The following USP39 variants were observed in gnomAD, a reference collection of about 807,000 sequenced individuals.
The protein encoded by USP39 is ubiquitin specific peptidase 39.
USP39 carries 38 observed loss-of-function variants against 66.4 expected under a neutral mutation model. That is an observed-to-expected ratio of 0.57 (90% CI 0.44 to 0.75). The LOEUF (loss-of-function observed/expected upper bound fraction) is 0.75, where lower values mean the gene tolerates loss of function less well. USP39 is among the 30% of genes least tolerant of loss of function. The pLI, the probability that USP39 is intolerant of heterozygous loss-of-function variation, is 0.00. For synonymous variants in USP39, 303 were observed against 274.6 expected, an observed-to-expected ratio of 1.10 and a Z score of -1.02; for missense variants, 608 against 714.4, an observed-to-expected ratio of 0.85 and a Z score of 1.70.
At chr2:85,612,130 C>T, upstream of USP39, 2 of 900,872 alleles carry the variant, frequency 2.2e-6, no homozygotes, top group South Asian at 1.8e-5. Flanking sequence ...CCAAGCGATG[C>T]AGCGCACGGA....
intron 7 of USP39, 116 bp from the exon 8 acceptor site, chr2:85,637,253 C>A: frequency 9.5e-7 from 1 of 1,048,096 alleles, no homozygotes; most frequent in Non-Finnish European, 1.5e-6. Context: ...TTAGTGAGAG[C>A]TCTGTGTCTT....
At position 85,639,613 on chromosome 2, in the gene USP39, A is replaced by C. The variant is rs569763434; in HGVS notation, c.1284+222A>C. On this transcript the variant is annotated intron_variant, in intron 9 of 12. Coordinates refer to ENST00000323701, the MANE Select transcript of USP39 (RefSeq NM_006590.4). ...GGGATTACAGACATCCGCCACCATG[A>C]CTGGCTAATTTTTTATATTTTTAGT... The C allele has an allele frequency of 2.0e-5, 8 of 402,602 alleles. No homozygotes were observed. The East Asian group carries it at 3.2e-4, about 16-fold the overall frequency. The allele number at this position is 402,602 out of a possible 1,614,324, so 24.9% of individuals were successfully genotyped here. A position where few individuals can be genotyped will look rare whatever the true frequency, so the allele number is the denominator to read the frequency against.
intron 1 of USP39, chr2:85,603,242 A>T (rs906933020): frequency 4.6e-5 from 7 of 152,236 alleles, no homozygotes; most frequent in African/African-American, 1.7e-4. Context: ...CAAACTCCGG[A>T]GGAGGGCTGC....
At chr2:85,616,760 C>G (rs1674006710) in intron 1 of USP39, among the ~76,000 whole-genome samples, 1 of 150,450 alleles carries the variant, frequency 6.6e-6, no homozygotes, top group Non-Finnish European at 1.5e-5. Flanking sequence ...TCACTGCAAC[C>G]TCTGCCTCCC....
intron 9 of USP39, 56 bp from the exon 10 acceptor site, chr2:85,640,920 G>A (rs1366081267): frequency 1.3e-6 from 2 of 1,522,312 alleles, no homozygotes; most frequent in Admixed American, 2.1e-5. Flanking sequence ...TCATGCCCCT[G>A]CTCTAATACT....
upstream of USP39, chr2:85,611,886 C>T (rs1673566290): frequency 6.3e-7 from 1 of 1,596,510 alleles, no homozygotes; most frequent in South Asian, 1.1e-5. Flanking sequence ...ACCGAGCGAT[C>T]TGGTTCCGTC....
upstream of USP39, chr2:85,611,462 G>A (rs960312953): frequency 1.9e-6 from 3 of 1,546,010 alleles, no homozygotes; most frequent in East Asian, 7.3e-5. Context: ...TACTCTGACA[G>A]CGATGCTTAA....
intron 2 of USP39, among the ~76,000 whole-genome samples, chr2:85,619,591 C>T (rs1028346412): frequency 1.3e-5 from 2 of 149,380 alleles, no homozygotes; most frequent in Admixed American, 6.7e-5. Flanking sequence ...TTTTGGGTGC[C>T]TGGGATTCAG....
At position 85,647,911 on chromosome 2, in the gene USP39, C is replaced by T. The variant is rs1215236467; in HGVS notation, c.1564-19C>T. The T allele has an allele frequency of 1.9e-6, 3 of 1,613,428 alleles. No individual in the cohort carries two copies. Among genetic ancestry groups the T allele is most frequent in the South Asian group, 1.1e-5 (1 of 91,050 alleles). On this transcript the variant is annotated intron_variant, in intron 11 of 12. Transcript: ENST00000323701. Reference sequence around the variant, plus strand: ...GGTTTTAGAGAGCAGACTAACCCAGCTCTTCATACTTTCTGCAGGGGACAG... The same window carrying T: ...GGTTTTAGAGAGCAGACTAACCCAGTTCTTCATACTTTCTGCAGGGGACAG...
rs748311332 is a variant in USP39, at chr2:85,648,775, A to C, written c.1665A>C (p.Arg555=). Residue 555 remains arginine, a synonymous_variant, in exon 13 of 13, where the codon CGA becomes CGC. Coordinates refer to ENST00000323701, the MANE Select transcript of USP39 (RefSeq NM_006590.4). ...ATTTCTTACAGATTTGGAAGAGGCGAGATAATGATGAAACCAACCAGCAGG... is the reference window on the plus strand; with the variant it reads ...ATTTCTTACAGATTTGGAAGAGGCGCGATAATGATGAAACCAACCAGCAGG... ...SEAYIQIWKR[R]DNDETNQQGA is the part of the protein sequence containing the mutation. The C allele has an allele frequency of 3.1e-6, 5 of 1,614,040 alleles. No individual in the cohort carries two copies. In the African/African-American group the frequency reaches 5.3e-5, roughly 17 times the overall value.
chr2:85,611,758 C>T, upstream of USP39: 2 of 1,612,210 alleles, frequency 1.2e-6, no homozygotes, highest in East Asian at 2.2e-5. Context: ...TCCTTGGCCG[C>T]CTGCTTCACC....
chr2:85,640,478 G>A (rs1676143466), intron 9 of USP39, among the ~76,000 whole-genome samples: 1 of 151,456 alleles, frequency 6.6e-6, no homozygotes, highest in Non-Finnish European at 1.5e-5. Flanking sequence ...TAGTAGAGAT[G>A]CGGTTTCACC....
At chr2:85,609,621 G>A (rs536341650), upstream of USP39, 3 of 1,612,540 alleles carry the variant, frequency 1.9e-6, no homozygotes, top group Admixed American at 3.3e-5. Context: ...AAGAAGAGGG[G>A]GGGTGCTGCT....
At chr2:85,645,499 G>C (rs1158603628) in intron 11 of USP39, among the ~76,000 whole-genome samples, 1 of 152,094 alleles carries the variant, frequency 6.6e-6, no homozygotes, top group Non-Finnish European at 1.5e-5. Context: ...GGCCAGGCCA[G>C]TCTTGAACTC....
upstream of USP39, among the ~76,000 whole-genome samples, chr2:85,614,890 C>T (rs142782144): frequency 5.4e-3 from 822 of 152,306 alleles, 8 homozygotes; most frequent in African/African-American, 0.019. Flanking sequence ...GGCCCAGCCT[C>T]ATTTTCCTAA....
intron 1 of USP39, among the ~76,000 whole-genome samples, chr2:85,603,898 G>A (rs943959368): frequency 2.8e-4 from 42 of 152,136 alleles, no homozygotes; most frequent in Admixed American, 2.0e-4. Flanking sequence ...TGGCCCGGAT[G>A]TTTCTTAAAT....
At chr2:85,640,492 T>G (rs1381133784) in intron 9 of USP39, among the ~76,000 whole-genome samples, 3 of 151,882 alleles carry the variant, frequency 2.0e-5, no homozygotes, top group Non-Finnish European at 2.9e-5. Context: ...TTTCACCCTG[T>G]TGGCCAGGCT....
chr2:85,646,088 G>A (rs1676624928), intron 11 of USP39: 1 of 152,200 alleles, frequency 6.6e-6, no homozygotes, highest in African/African-American at 2.4e-5. Context: ...CAGACTCTCA[G>A]TCCCCTCAAA....
intron 1 of USP39, among the ~76,000 whole-genome samples, chr2:85,605,935 C>G (rs1024215182): frequency 9.9e-5 from 15 of 152,194 alleles, no homozygotes; most frequent in African/African-American, 2.9e-4. Flanking sequence ...ACATTCTTTT[C>G]CCTTTTTACA....
Sources: gnomAD v4.1 joint callset for allele counts (sites outside exome capture counted in the v4.1 genomes callset) on GRCh38, gnomAD v4.1.1 for gene constraint, MANE v1.5 for transcripts, NCBI Gene and HGNC (gene_info 2026-07-23, HGNC 2026-07-21) for gene names.